NTM: variants seen among roughly 807,000 people sequenced by gnomAD.
NTM encodes neurotrimin, also known as IgLON family member 2.
Under a neutral mutation model 42.1 loss-of-function variants are expected in NTM, and 13 were observed. The ratio of observed to expected loss-of-function variants is 0.31; its 90% confidence interval spans 0.20 to 0.49. The LOEUF (loss-of-function observed/expected upper bound fraction) is 0.49. NTM is among the 20% of genes least tolerant of loss of function. The pLI is 0.99. For synonymous variants in NTM, 187 were observed against 179.2 expected (o/e 1.04, Z -0.35); for missense variants, 373 against 452.8 (o/e 0.82, Z 1.60).
intron 2 of NTM, among the ~76,000 whole-genome samples, chr11:132,030,530 G>A (rs1208906325): frequency 6.6e-6 from 1 of 152,142 alleles, no homozygotes; most frequent in African/African-American, 2.4e-5. Context: ...ATAAACCATG[G>A]CCAGGGGCTT....
intron 1 of NTM, among the ~76,000 whole-genome samples, chr11:131,374,424 C>A (rs1022590440): frequency 6.6e-6 from 1 of 152,338 alleles, no homozygotes; most frequent in Non-Finnish European, 1.5e-5. Flanking sequence ...AGAGCCTGGT[C>A]CTGGTCCTGA....
rs139203448 is a variant in NTM at position 131,455,058 on chromosome 11, A to T, written c.82+84170A>T. Among the ~76,000 whole-genome samples the T allele has an allele frequency of 1.1e-3, 165 of 152,256 alleles. 1 individual carries two copies. Among genetic ancestry groups the T allele is most frequent in the African/African-American group, 4.0e-3 (165 of 41,544 alleles). ...ACCCTTGTAGACTATACATTTGCTG[A>T]TTTTGTGTGCGTGCTGTTCAACGCA... is the stretch of plus-strand genomic sequence containing the variant. On this transcript the variant is annotated intron_variant, in intron 1 of 8. Transcript: ENST00000683400.
intron 1 of NTM, among the ~76,000 whole-genome samples, chr11:131,497,620 T>A (rs1955490741): frequency 6.6e-6 from 1 of 152,184 alleles, no homozygotes. Context: ...TACAGTAAGT[T>A]CCTCTTCAAA....
At chr11:131,717,148 C>T (rs534862192) in intron 1 of NTM, among the ~76,000 whole-genome samples, 1 of 152,258 alleles carries the variant, frequency 6.6e-6, no homozygotes. Context: ...GCCTTTAAAC[C>T]AAGTCTTCAA....
chr11:132,296,587 G>A (rs1470302088), intron 4 of NTM, among the ~76,000 whole-genome samples: 4 of 152,248 alleles, frequency 2.6e-5, no homozygotes, highest in Admixed American at 6.5e-5. Context: ...CCTAAGAGAC[G>A]TCGCCATACT....
intron 1 of NTM, among the ~76,000 whole-genome samples, chr11:131,610,868 A>G (rs2061412781): frequency 6.6e-6 from 1 of 152,228 alleles, no homozygotes; most frequent in South Asian, 2.1e-4. Flanking sequence ...TGATCCTGAC[A>G]TCAGTGGAGA....
At chr11:132,293,892 C>T (rs567465400) in intron 4 of NTM, among the ~76,000 whole-genome samples, 5 of 152,162 alleles carry the variant, frequency 3.3e-5, no homozygotes, top group South Asian at 2.1e-4. Flanking sequence ...GCCGCTCAGC[C>T]TGCAAAGCCT....
At chr11:132,153,351 G>C (rs375519434) in intron 3 of NTM, among the ~76,000 whole-genome samples, 1 of 152,182 alleles carries the variant, frequency 6.6e-6, no homozygotes, top group Non-Finnish European at 1.5e-5. Context: ...CCATATGAGA[G>C]TGCTGATTTA....
intron 4 of NTM, among the ~76,000 whole-genome samples, chr11:132,243,807 T>A (rs1032977407): frequency 1.3e-5 from 2 of 152,152 alleles, no homozygotes; most frequent in African/African-American, 4.8e-5. Context: ...TCTTGCCCAG[T>A]AGTCCACAAG....
intron 5 of NTM, among the ~76,000 whole-genome samples, chr11:132,309,660 G>A (rs768898287): frequency 5.3e-5 from 8 of 152,170 alleles, no homozygotes; most frequent in Non-Finnish European, 1.2e-4. Flanking sequence ...CATCAAAAAG[G>A]TTTTTATTCT....
At chr11:131,651,998 CT>C (rs1420439862) in intron 1 of NTM, among the ~76,000 whole-genome samples, 3 of 152,172 alleles carry the variant, frequency 2.0e-5, no homozygotes, top group African/African-American at 7.2e-5. Flanking sequence ...CCCAGCAGAG[CT>C]GCTCTTTGTC....
At chr11:131,500,556 T>TATATATATATATATATAC (rs2046624407) in intron 1 of NTM, among the ~76,000 whole-genome samples, 1 of 22,192 alleles carries the variant, frequency 4.5e-5, no homozygotes. Flanking sequence ...TATATATATA[T>TATATATATATATATATAC]ATATATATAT....
chr11:132,202,783 T>C (rs1002645750), intron 3 of NTM, among the ~76,000 whole-genome samples: 10 of 152,178 alleles, frequency 6.6e-5, no homozygotes, highest in Non-Finnish European at 1.5e-4. Flanking sequence ...CCTTCCACAT[T>C]TCAGTTGATC....
rs2061043659 is a variant in NTM at position 131,607,202 on chromosome 11, T to C, written c.82+236314T>C. 2.0e-5 allele frequency among the ~76,000 whole-genome samples: 3 copies of C among 152,202 alleles called. No individual in the cohort carries two copies. The South Asian group carries it at 6.2e-4, about 32-fold the overall frequency. On this transcript the variant is annotated intron_variant, in intron 1 of 8. Transcript: ENST00000683400. ...AAAGACACAATTTATGGCTGGAGATTTTATGAAATGGTGAGCAAAATTGCC... is the reference window on the plus strand; with the variant it reads ...AAAGACACAATTTATGGCTGGAGATCTTATGAAATGGTGAGCAAAATTGCC...
intron 1 of NTM, among the ~76,000 whole-genome samples, chr11:131,829,205 T>C (rs1351230197): frequency 6.6e-6 from 1 of 152,182 alleles, no homozygotes; most frequent in African/African-American, 2.4e-5. Context: ...AAATTTTGCT[T>C]TAGATTCATG....
At chr11:131,858,233 T>C (rs945968349) in intron 1 of NTM, among the ~76,000 whole-genome samples, 5 of 152,238 alleles carry the variant, frequency 3.3e-5, no homozygotes, top group Non-Finnish European at 5.9e-5. Flanking sequence ...GCTCTGCTTC[T>C]GTTAGTTACT....
chr11:132,163,205 G>A (rs1457038339), intron 3 of NTM, among the ~76,000 whole-genome samples: 1 of 152,148 alleles, frequency 6.6e-6, no homozygotes, highest in African/African-American at 2.4e-5. Context: ...TGAATTGTGG[G>A]TTGAGTCCCG....
intron 1 of NTM, among the ~76,000 whole-genome samples, chr11:131,840,756 C>T (rs991992721): frequency 6.6e-6 from 1 of 152,180 alleles, no homozygotes; most frequent in African/African-American, 2.4e-5. Context: ...TTCCATCCTA[C>T]ATTAGAGGGT....
intron 4 of NTM, among the ~76,000 whole-genome samples, chr11:132,261,272 C>A (rs2092834609): frequency 6.6e-6 from 1 of 152,180 alleles, no homozygotes; most frequent in South Asian, 2.1e-4. Context: ...CACCTCATTT[C>A]TCTGAGCCTC....
Sources: allele counts gnomAD v4.1 joint callset (sites outside exome capture counted in the v4.1 genomes callset), GRCh38; gene constraint gnomAD v4.1.1; transcripts MANE v1.5; gene names NCBI Gene and HGNC (gene_info 2026-07-23, HGNC 2026-07-21).